The following UBIAD1 variants were observed in gnomAD, a reference collection of about 807,000 sequenced individuals.
The protein encoded by UBIAD1 is ubiA prenyltransferase domain-containing protein 1.
UBIAD1 carries 12 observed loss-of-function variants against 20.1 expected under a neutral mutation model. The ratio of observed to expected loss-of-function variants is 0.60; its 90% CI spans 0.38 to 0.97. The LOEUF (loss-of-function observed/expected upper bound fraction) is 0.97. Ranked by LOEUF, UBIAD1 falls within the 50% of genes least tolerant of loss-of-function variation. UBIAD1 has a pLI of 0.00. For missense variants in UBIAD1, 333 were observed against 419.5 expected (o/e 0.79, Z 1.80); for synonymous variants, 207 against 189.2 (o/e 1.09, Z -0.77).
chr1:11,274,543 C>T (rs1651931061), intron 1 of UBIAD1, among the ~76,000 whole-genome samples: 1 of 149,700 alleles, frequency 6.7e-6, no homozygotes, highest in Non-Finnish European at 1.5e-5. Flanking sequence ...GTGATCCACC[C>T]GCCTCAGCCT....
chr1:11,296,345 C>CG (rs1392518733), downstream of UBIAD1, among the ~76,000 whole-genome samples: 1 of 152,138 alleles, frequency 6.6e-6, no homozygotes, highest in Non-Finnish European at 1.5e-5. Context: ...CACTCACCCC[C>CG]GGGATACCCT....
chr1:11,274,544 G>A (rs2788555), intron 1 of UBIAD1, among the ~76,000 whole-genome samples: 3 of 151,700 alleles, frequency 2.0e-5, no homozygotes, highest in African/African-American at 4.8e-5. Context: ...TGATCCACCC[G>A]CCTCAGCCTC....
At chr1:11,276,763 T>TA (rs574096714) in intron 1 of UBIAD1, among the ~76,000 whole-genome samples, 9,720 of 144,604 alleles carry the variant, frequency 0.067, 967 homozygotes, top group African/African-American at 0.22. Context: ...CATAGTTTGT[T>TA]AAAAAAAAAA....
Position 11,285,674 on chromosome 1 carries a change from A to G in UBIAD1, c.560A>G (p.Asp187Gly). Residue 187 changes from aspartate to glycine, a missense_variant, in exon 2 of 2, where the codon GAC (aspartate) becomes GGC (glycine). Coordinates refer to ENST00000376810, the MANE Select transcript of UBIAD1 (RefSeq NM_013319.3). The surrounding 1 kb of genome is among the most constrained non-coding windows in gnomAD (Gnocchi z 4.4). ...GGATTCAAGTACGTGGCTCTGGGAG[A>G]CCTCATCATCCTCATCACTTTTGGC... ...GIGFKYVALG[D>G]LIILITFGPL... The G allele has an allele frequency of 6.2e-7, 1 of 1,613,710 alleles. No homozygotes were observed. The highest frequency in any genetic ancestry group is 8.5e-7 in the Non-Finnish European group (1 of 1,179,936).
rs1195877237 is a variant in UBIAD1 at position 11,287,765 on chromosome 1, T to TA, written c.*1639dup. On this transcript the variant is annotated 3_prime_UTR_variant, in exon 2 of 2. Coordinates refer to ENST00000376810, the MANE Select transcript of UBIAD1 (RefSeq NM_013319.3). Reference sequence around the variant, plus strand: ...TAACACGGTGAAACCCCGTTTCTACTAAAAATACAAAAAATTAGCCAGGCG... The same window carrying TA: ...TAACACGGTGAAACCCCGTTTCTACTAAAAAATACAAAAAATTAGCCAGGCG... 2.6e-5 allele frequency: 4 copies of TA among 152,162 alleles called. No individual in the cohort carries two copies. Among genetic ancestry groups the TA allele is most frequent in the African/African-American group, 9.6e-5 (4 of 41,524 alleles). The allele number at this position is 152,162 out of a possible 1,614,324, so 9.4% of individuals were successfully genotyped here. A position where few individuals can be genotyped will look rare whatever the true frequency, so the allele number is the denominator to read the frequency against.
intron 1 of UBIAD1, among the ~76,000 whole-genome samples, chr1:11,275,285 T>C (rs1290354555): frequency 6.6e-6 from 1 of 152,186 alleles, no homozygotes; most frequent in East Asian, 1.9e-4. Context: ...ATGTGCGACT[T>C]CTGGAGCTAA....
At chr1:11,296,332 G>A (rs1005792524), downstream of UBIAD1, among the ~76,000 whole-genome samples, 3 of 152,060 alleles carry the variant, frequency 2.0e-5, no homozygotes, top group East Asian at 1.9e-4. Flanking sequence ...GTCCAGGCTC[G>A]ATCACTCACC....
Position 11,279,180 on chromosome 1 carries a change from A to T in UBIAD1, c.529+5120A>T, listed in dbSNP as rs528544013. 1.3e-5 allele frequency: 3 copies of T among 229,388 alleles called. No individual in the cohort carries two copies. In the South Asian group the frequency reaches 2.4e-4, roughly 18 times the overall value. The allele number at this position is 229,388 out of a possible 1,614,324, so 14.2% of individuals were successfully genotyped here. On this transcript the variant is annotated intron_variant, in intron 1 of 1. Coordinates refer to ENST00000376810, the MANE Select transcript of UBIAD1 (RefSeq NM_013319.3). ...TGCCCGGCCTATATTCTCTTTTCAT[A>T]ATTTGTCCTTGGTGGCCCAATAATC...
rs757570122 is a variant in UBIAD1, at chr1:11,273,489, C to T, written c.-43C>T. On this transcript the variant is annotated 5_prime_UTR_variant, in exon 1 of 2. Transcript: ENST00000376810. This position sits in a 1 kb window ranked among gnomAD's most constrained non-coding sequence, Gnocchi z 4.9. ...TCCTCCTTCCCGGGCGGTCACTGTGCGTGGCTCACTTTTAGAGTTTACTTC... is the reference window on the plus strand; with the variant it reads ...TCCTCCTTCCCGGGCGGTCACTGTGTGTGGCTCACTTTTAGAGTTTACTTC... The T allele has an allele frequency of 3.1e-6, 5 of 1,608,646 alleles. No homozygotes were observed. The highest frequency in any genetic ancestry group is 1.3e-5 in the African/African-American group (1 of 74,868).
Position 11,273,750 on chromosome 1 carries a change from C to G in UBIAD1, c.219C>G (p.Tyr73Ter). The G allele has an allele frequency of 6.2e-7, 1 of 1,614,132 alleles. No individual in the cohort carries two copies. The highest frequency in any genetic ancestry group is 1.1e-5 in the South Asian group (1 of 91,086). ...TPVALGSALAYRSHGVLDPRL... is the reference protein window; with the variant it reads ...TPVALGSALA ...TGGCCCTGGGCAGTGCCCTTGCCTA[C>G]AGATCCCACGGTGTCCTGGATCCCA... The change falls in exon 1 of 2, where the codon TAC (tyrosine) becomes TAG (stop). Residue 73 changes from tyrosine to a stop codon, truncating the protein, a stop_gained. Coordinates refer to ENST00000376810, the MANE Select transcript of UBIAD1 (RefSeq NM_013319.3). LOFTEE classifies it high-confidence loss of function. The surrounding 1 kb of genome is among the most constrained non-coding windows in gnomAD (Gnocchi z 4.9).
At chr1:11,278,933 C>T (rs1185591260) in intron 1 of UBIAD1, 6 of 226,692 alleles carry the variant, frequency 2.6e-5, no homozygotes, top group East Asian at 1.6e-4. Context: ...GGCGTGATCT[C>T]GGCTCACTGC....
At chr1:11,290,092 C>T (rs1019221501), downstream of UBIAD1, among the ~76,000 whole-genome samples, 2 of 152,134 alleles carry the variant, frequency 1.3e-5, no homozygotes, top group African/African-American at 4.8e-5. Flanking sequence ...TCTCGAAATC[C>T]TGACCTCAGG....
chr1:11,284,651 A>G (rs1638217805), intron 1 of UBIAD1, among the ~76,000 whole-genome samples: 1 of 152,018 alleles, frequency 6.6e-6, no homozygotes, highest in South Asian at 2.1e-4. Context: ...TTTAGTAGAG[A>G]TGGGGTTTCA....
downstream of UBIAD1, among the ~76,000 whole-genome samples, chr1:11,290,866 G>A (rs181014427): frequency 6.6e-6 from 1 of 150,588 alleles, no homozygotes; most frequent in African/African-American, 2.5e-5. Flanking sequence ...GGGAGGCTGA[G>A]GTGGCAGAAT....
Position 11,285,656 on chromosome 1 carries a change from AG to A in UBIAD1, c.543del (p.Lys181AsnfsTer19). ...TTTCTGGCCGCAGGAATTGGATTCA[AG>A]TACGTGGCTCTGGGAGACCTCATCA... ...SFLYTGGIGF[K>X]YVALGDLIIL... On this transcript the variant is annotated frameshift_variant, in exon 2 of 2. Coordinates refer to ENST00000376810, the MANE Select transcript of UBIAD1 (RefSeq NM_013319.3). LOFTEE classifies it high-confidence loss of function. This position sits in a 1 kb window ranked among gnomAD's most constrained non-coding sequence, Gnocchi z 4.4. The A allele has an allele frequency of 6.2e-7, 1 of 1,614,184 alleles. No individual in the cohort carries two copies. The highest frequency in any genetic ancestry group is 8.5e-7 in the Non-Finnish European group (1 of 1,180,036).
intron 1 of UBIAD1, among the ~76,000 whole-genome samples, chr1:11,284,330 A>C (rs982115394): frequency 1.3e-5 from 2 of 152,098 alleles, no homozygotes; most frequent in African/African-American, 4.8e-5. Flanking sequence ...GGAGAGCTCA[A>C]GGTGAGGCAG....
In UBIAD1 at chr1:11,274,005, G is replaced by A. The variant is rs375687864; in HGVS notation, c.474G>A (p.Glu158=). ...ACTACCTGTCCCCTCTGAAACTGGA[G>A]CACTTGGCTCTTATCTACTTTGGAG... ...CLYYLSPLKL[E]HLALIYFGGL... is the part of the protein sequence containing the mutation. Residue 158 remains glutamate (E), a synonymous_variant, in exon 1 of 2, where the codon GAG becomes GAA. Coordinates refer to ENST00000376810, the MANE Select transcript of UBIAD1 (RefSeq NM_013319.3). The A allele has an allele frequency of 1.1e-5, 18 of 1,614,064 alleles. No individual in the cohort carries two copies. Among genetic ancestry groups the A allele is most frequent in the Middle Eastern group, 1.6e-4 (1 of 6,084 alleles).
chr1:11,278,756 A>G (rs887866349), intron 1 of UBIAD1: 18 of 588,664 alleles, frequency 3.1e-5, no homozygotes, highest in Non-Finnish European at 4.7e-5. Context: ...GCGGTCATCC[A>G]CCATCCCACT....
downstream of UBIAD1, among the ~76,000 whole-genome samples, chr1:11,298,096 G>T (rs979660809): frequency 6.6e-6 from 1 of 151,986 alleles, no homozygotes; most frequent in Admixed American, 6.6e-5. The surrounding 1 kb of genome is among the most constrained non-coding windows in gnomAD (Gnocchi z 4.0). Context: ...GAATAGCTGG[G>T]ATTACAGCAT....
Sources: allele counts gnomAD v4.1 joint callset (sites outside exome capture counted in the v4.1 genomes callset), GRCh38; gene constraint gnomAD v4.1.1; non-coding constraint Gnocchi (gnomAD v3.1); transcripts MANE v1.5; gene names NCBI Gene and HGNC (gene_info 2026-07-23, HGNC 2026-07-21).